Variants in PCDHA8 observed in about 807,000 individuals in gnomAD.
The protein encoded by PCDHA8 is protocadherin alpha 8, also known as protocadherin alpha-8.
PCDHA8 carries 53 observed loss-of-function variants against 61.8 expected under a neutral mutation model. That is an observed-to-expected ratio of 0.86 (90% confidence interval 0.69 to 1.08). The LOEUF (loss-of-function observed/expected upper bound fraction) is 1.08. Among genes scored for constraint, PCDHA8 ranks in the 50% least tolerant of loss-of-function variants. The probability of loss-of-function intolerance (pLI) is 0.00; values close to 1 mark genes in which losing one functional copy is unlikely to be tolerated. For synonymous variants in PCDHA8, 618 were observed against 556.6 expected (o/e 1.11, Z -1.55); for missense variants, 1,293 against 1,245.0 (o/e 1.04, Z -0.58).
intron 1 of PCDHA8, chr5:140,858,707 A>T: frequency 3.7e-6 from 2 of 547,914 alleles, no homozygotes; most frequent in South Asian, 2.5e-5. Flanking sequence ...CAAATATGTG[A>T]TATAGGTTGC....
intron 1 of PCDHA8, among the ~76,000 whole-genome samples, chr5:140,895,943 TG>T (rs1176755658): frequency 6.6e-6 from 1 of 152,148 alleles, no homozygotes; most frequent in Non-Finnish European, 1.5e-5. Flanking sequence ...CCCGAGTAGC[TG>T]GGATTACAGG....
At chr5:140,884,820 T>A (rs1318105542) in intron 1 of PCDHA8, 2 of 1,013,184 alleles carry the variant, frequency 2.0e-6, no homozygotes, top group Non-Finnish European at 2.8e-6. Context: ...GTGGACATTA[T>A]GTGTTGGATT....
chr5:141,006,618 A>G (rs74748321), intron 3 of PCDHA8, among the ~76,000 whole-genome samples: 53 of 152,290 alleles, frequency 3.5e-4, no homozygotes, highest in African/African-American at 1.3e-3. Flanking sequence ...GAATAAGGAG[A>G]CTATTGCTGC....
intron 1 of PCDHA8, chr5:140,878,069 T>C: frequency 5.3e-6 from 2 of 379,294 alleles, no homozygotes; most frequent in East Asian, 5.0e-5. Flanking sequence ...ATATTTTTCT[T>C]TTTCTATAAT....
intron 1 of PCDHA8, chr5:140,881,443 G>A: frequency 1.2e-6 from 1 of 818,722 alleles, no homozygotes; most frequent in Non-Finnish European, 1.5e-6. Context: ...TATAAAAACA[G>A]AATCCAAAAC....
At chr5:140,921,856 GTA>G (rs1295273364) in intron 1 of PCDHA8, among the ~76,000 whole-genome samples, 4 of 151,824 alleles carry the variant, frequency 2.6e-5, no homozygotes, top group Non-Finnish European at 5.9e-5. Flanking sequence ...AGATGTGTGT[GTA>G]TATATACAGT....
intron 1 of PCDHA8, among the ~76,000 whole-genome samples, chr5:140,938,975 C>T (rs1249900927): frequency 6.6e-6 from 1 of 152,188 alleles, no homozygotes; most frequent in African/African-American, 2.4e-5. Flanking sequence ...GGCATCAAGG[C>T]TATCCTGGCT....
At position 140,870,217 on chromosome 5, in the gene PCDHA8, A is replaced by G. The variant is rs911086777; in HGVS notation, c.2394+26502A>G. On this transcript the variant is annotated intron_variant, in intron 1 of 3. Coordinates refer to ENST00000531613, the MANE Select transcript of PCDHA8 (RefSeq NM_018911.3). ...GCCCAGCACGGTCATTGCCCTGATC[A>G]GCGTGTCTGACCGTGACTCAGGTGT... The G allele has an allele frequency of 5.6e-6, 9 of 1,614,144 alleles. No individual in the cohort carries two copies. The highest frequency in any genetic ancestry group is 3.3e-5 in the Admixed American group (2 of 60,034).
rs556593659 is a variant in PCDHA8, at chr5:140,966,652, G to A, written c.2395-12297G>A. ...CCCAGGCGCTTTCTAGAGCGTGAGC[G>A]GTGGGGGAGCAGGCGCAGGGTGGCA... On this transcript the variant is annotated intron_variant, in intron 1 of 3. Coordinates refer to ENST00000531613, the MANE Select transcript of PCDHA8 (RefSeq NM_018911.3). 1.0e-5 allele frequency: 12 copies of A among 1,169,200 alleles called. No homozygotes were observed. In the Admixed American group the frequency reaches 2.0e-4, roughly 19 times the overall value. The allele number at this position is 1,169,200 out of a possible 1,614,324, so 72.4% of individuals were successfully genotyped here.
In PCDHA8 at chr5:140,852,643, C is replaced by T. The variant is rs2150521089; in HGVS notation, c.2394+8928C>T. 453 of 958,790 alleles carry T rather than the reference C, an allele frequency of 4.7e-4. 23 individuals carry two copies. The African/African-American group carries it at 7.6e-3, about 16-fold the overall frequency. 59.4% of individuals were successfully genotyped at this position (958,790 alleles called of 1,614,324 possible). ...TGGTCTCTGAGCTCCTGTCATTAAA[C>T]CTATCTATATCTGTCTATCAGCACA... is the stretch of plus-strand genomic sequence containing the variant. On this transcript the variant is annotated intron_variant, in intron 1 of 3. Transcript: ENST00000531613.
chr5:140,937,911 C>CAA lies in PCDHA8; in HGVS notation c.2395-41023_2395-41022dup, dbSNP rs200797202. On this transcript the variant is annotated intron_variant, in intron 1 of 3. Transcript: ENST00000531613. Reference sequence around the variant, plus strand: ...TGGGCGACAGAGTGAGACTCCGTCTCAAAAAAAAAAAAAAAAGTTTAATTT... The same window carrying CAA: ...TGGGCGACAGAGTGAGACTCCGTCTCAAAAAAAAAAAAAAAAAAGTTTAATTT... Among the ~76,000 whole-genome samples, 8 of 117,946 alleles carry CAA rather than the reference C, an allele frequency of 6.8e-5. No individual in the cohort carries two copies. In the East Asian group the frequency reaches 1.1e-3, roughly 17 times the overall value. The allele number at this position is 117,946 out of a possible 152,430, so 77.4% of individuals were successfully genotyped here.
At chr5:140,970,247 C>T (rs551216649) in intron 1 of PCDHA8, among the ~76,000 whole-genome samples, 1 of 152,290 alleles carries the variant, frequency 6.6e-6, no homozygotes, top group East Asian at 1.9e-4. Context: ...TTTCTGTTGA[C>T]AGTTTCTATG....
intron 1 of PCDHA8, chr5:140,864,334 G>T (rs1303822617): frequency 6.6e-6 from 1 of 152,076 alleles, no homozygotes; most frequent in Non-Finnish European, 1.5e-5. Flanking sequence ...AATTATTTGA[G>T]TTTAAAACAT....
In PCDHA8 at chr5:140,882,368, T is replaced by C. The variant is rs781902519; in HGVS notation, c.2394+38653T>C. On this transcript the variant is annotated intron_variant, in intron 1 of 3. Transcript: ENST00000531613. ...GACGGGTAGTGGCCAGCTCCACTAC[T>C]CCGTCCCCGAGGAAGCAAAACACGG... 1.9e-6 allele frequency: 3 copies of C among 1,614,218 alleles called. No individual in the cohort carries two copies. The South Asian group carries it at 3.3e-5, about 18-fold the overall frequency.
intron 1 of PCDHA8, among the ~76,000 whole-genome samples, chr5:140,912,613 T>A (rs183484256): frequency 5.3e-4 from 80 of 152,290 alleles, no homozygotes; most frequent in African/African-American, 1.5e-3. Flanking sequence ...TCTTGTCTGA[T>A]TACTCTGGAT....
intron 1 of PCDHA8, among the ~76,000 whole-genome samples, chr5:140,970,594 T>C (rs975404675): frequency 6.6e-6 from 1 of 152,206 alleles, no homozygotes; most frequent in Admixed American, 6.5e-5. Flanking sequence ...ATATGCTTTG[T>C]GATACTTAAA....
chr5:140,927,015 G>A, intron 1 of PCDHA8: 1 of 1,612,466 alleles, frequency 6.2e-7, no homozygotes. Context: ...ATCTCTCCGC[G>A]GACTTGAGGC....
chr5:140,926,819 C>T, intron 1 of PCDHA8: 1 of 1,493,950 alleles, frequency 6.7e-7, no homozygotes. Context: ...CTCGTGCTCT[C>T]CAGGAGTCCG....
chr5:140,882,767 G>T lies in PCDHA8; in HGVS notation c.2394+39052G>T, dbSNP rs1348655523. ...CGATGCAGATATTGGAGTAAACTCG[G>T]CATTGACCTACCGACTGGATCCCAA... On this transcript the variant is annotated intron_variant, in intron 1 of 3. Transcript: ENST00000531613. 1.9e-6 allele frequency: 3 copies of T among 1,614,058 alleles called. No individual in the cohort carries two copies. The South Asian group carries it at 3.3e-5, about 18-fold the overall frequency.
Sources: allele counts gnomAD v4.1 joint callset (sites outside exome capture counted in the v4.1 genomes callset), GRCh38; gene constraint gnomAD v4.1.1; transcripts MANE v1.5; gene names NCBI Gene and HGNC (gene_info 2026-07-23, HGNC 2026-07-21).